The following QKI variants were observed in gnomAD, a reference collection of about 807,000 sequenced individuals.
QKI encodes the protein QKI, KH domain containing RNA binding.
Under a neutral mutation model 39.0 loss-of-function variants are expected in QKI, and 10 were observed. The ratio of observed to expected loss-of-function variants is 0.26; its 90% CI spans 0.16 to 0.43. The LOEUF (loss-of-function observed/expected upper bound fraction) is 0.43, where lower values mean the gene tolerates loss of function less well. Ranked by LOEUF, QKI falls within the 20% of genes least tolerant of loss-of-function variation. The pLI is 1.00. For missense variants in QKI, 218 were observed against 428.0 expected, an observed-to-expected ratio of 0.51 and a Z score of 4.33; for synonymous variants, 204 against 155.4, an observed-to-expected ratio of 1.31 and a Z score of -2.33.
chr6:163,546,142 A>C (rs1054618999), intron 4 of QKI, among the ~76,000 whole-genome samples: 1 of 150,948 alleles, frequency 6.6e-6, no homozygotes, highest in Non-Finnish European at 1.5e-5. Context: ...TAAATGTATG[A>C]TATTCTACAC....
chr6:163,558,480 A>G (rs1456520521), intron 4 of QKI, among the ~76,000 whole-genome samples: 1 of 149,598 alleles, frequency 6.7e-6, no homozygotes, highest in African/African-American at 2.5e-5. Context: ...ACTCACTGCA[A>G]CCTCCGCCTT....
In QKI at chr6:163,573,323, C is replaced by G. The variant is rs928226999; in HGVS notation, c.*2613C>G. On this transcript the variant is annotated 3_prime_UTR_variant, in exon 8 of 8. Coordinates refer to ENST00000361752, the MANE Select transcript of QKI (RefSeq NM_006775.3). ...CTGACAGTATTATGTAATTTTTTAG[C>G]GTGGGTAGATGGGAGTGTCGCTTGT... The G allele has an allele frequency of 6.6e-6, 1 of 151,936 alleles. No individual in the cohort carries two copies. The highest frequency in any genetic ancestry group is 1.5e-5 in the Non-Finnish European group (1 of 67,982). 9.4% of individuals were successfully genotyped at this position (151,936 alleles called of 1,614,324 possible). A position where few individuals can be genotyped will look rare whatever the true frequency, so the allele number is the denominator to read the frequency against.
chr6:163,420,034 A>G (rs954147566), intron 1 of QKI, among the ~76,000 whole-genome samples: 2 of 152,124 alleles, frequency 1.3e-5, no homozygotes, highest in Admixed American at 6.5e-5. Flanking sequence ...GATTTCTGTG[A>G]TGAAAGAAGT....
chr6:163,425,559 G>A lies in QKI; in HGVS notation c.142+10224G>A, dbSNP rs548220220. Among the ~76,000 whole-genome samples, 7 of 152,252 alleles carry A rather than the reference G, an allele frequency of 4.6e-5. No homozygotes were observed. In the East Asian group the frequency reaches 9.7e-4, roughly 21 times the overall value. The stretch of plus-strand genomic sequence containing the variant: ...TGTGAAGAGTCAAACTATTATATAC[G>A]TGGCTAACCCTTTAGGAAAATTTTT... On this transcript the variant is annotated intron_variant, in intron 1 of 7. Coordinates refer to ENST00000361752, the MANE Select transcript of QKI (RefSeq NM_006775.3).
At position 163,564,323 on chromosome 6, in the gene QKI, T is replaced by C. The variant is rs1783218736; in HGVS notation, c.934+604T>C. 1.8e-5 allele frequency: 18 copies of C among 1,015,280 alleles called. No individual in the cohort carries two copies. The South Asian group carries it at 5.3e-4, about 30-fold the overall frequency. 62.9% of individuals were successfully genotyped at this position (1,015,280 alleles called of 1,614,324 possible). A position where few individuals can be genotyped will look rare whatever the true frequency, so the allele number is the denominator to read the frequency against. On this transcript the variant is annotated intron_variant, in intron 6 of 7. Coordinates refer to ENST00000361752, the MANE Select transcript of QKI (RefSeq NM_006775.3). ...AGTGTACTTACACAGACATAGATGA[T>C]ATCGTTTACTACACACCTAGGCTGT...
At chr6:163,522,555 A>G (rs760160767) in intron 3 of QKI, among the ~76,000 whole-genome samples, 9 of 151,904 alleles carry the variant, frequency 5.9e-5, no homozygotes, top group Non-Finnish European at 7.4e-5. Flanking sequence ...TTTTGTCTCT[A>G]TTCTCCAGTG....
rs536459542 is a variant in QKI at position 163,511,776 on chromosome 6, T to C, written c.403-23206T>C. The stretch of plus-strand genomic sequence containing the variant: ...TTTATCAAACTTCAAGAAAGAAATA[T>C]TGTGAATCTTATGTAAAGTCTTCCA... On this transcript the variant is annotated intron_variant, in intron 3 of 7. Coordinates refer to ENST00000361752, the MANE Select transcript of QKI (RefSeq NM_006775.3). 2.6e-5 allele frequency among the ~76,000 whole-genome samples: 4 copies of C among 151,934 alleles called. No individual in the cohort carries two copies. The East Asian group carries it at 5.8e-4, about 22-fold the overall frequency.
intron 3 of QKI, among the ~76,000 whole-genome samples, chr6:163,519,807 T>C (rs1780039245): frequency 2.0e-5 from 3 of 152,150 alleles, no homozygotes; most frequent in Admixed American, 2.0e-4. Context: ...AGTTATTTTA[T>C]ATAGTTGTTA....
chr6:163,445,615 C>CTTT (rs771151149), intron 1 of QKI, among the ~76,000 whole-genome samples: 3 of 135,334 alleles, frequency 2.2e-5, no homozygotes, highest in Admixed American at 7.5e-5. Flanking sequence ...GAGTATATGT[C>CTTT]TTTTTTTTTT....
intron 3 of QKI, among the ~76,000 whole-genome samples, chr6:163,499,085 C>T (rs721190): frequency 0.79 from 119,609 of 152,052 alleles, 47,223 homozygotes; most frequent in East Asian, 1. Flanking sequence ...GTATGCAGTT[C>T]TACACTGCGG....
chr6:163,480,320 G>T (rs1792981779), intron 3 of QKI, among the ~76,000 whole-genome samples: 1 of 151,618 alleles, frequency 6.6e-6, no homozygotes, highest in African/African-American at 2.4e-5. Flanking sequence ...GACTTGAAGG[G>T]GCTATCTAGG....
At chr6:163,525,237 A>G (rs1200074402) in intron 3 of QKI, among the ~76,000 whole-genome samples, 6 of 149,568 alleles carry the variant, frequency 4.0e-5, no homozygotes, top group Non-Finnish European at 7.4e-5. Flanking sequence ...GAGACAGGCT[A>G]TATCTGGATT....
Position 163,572,396 on chromosome 6 carries a change from ATATCATACC to A in QKI, c.*1687_*1695del, listed in dbSNP as rs1365587498. The stretch of plus-strand genomic sequence containing the variant: ...CACCCAAATTTAATCACATGTCTTT[ATATCATACC>A]AGATAACTGGTGTAGTGTATCCTTT... On this transcript the variant is annotated 3_prime_UTR_variant, in exon 8 of 8. Coordinates refer to ENST00000361752, the MANE Select transcript of QKI (RefSeq NM_006775.3). 1 of 152,226 alleles carries A rather than the reference ATATCATACC, an allele frequency of 6.6e-6. No individual in the cohort carries two copies. The highest frequency in any genetic ancestry group is 2.4e-5 in the African/African-American group (1 of 41,458). The allele number at this position is 152,226 out of a possible 1,614,324, so 9.4% of individuals were successfully genotyped here.
chr6:163,516,165 T>C (rs765534089), intron 3 of QKI, among the ~76,000 whole-genome samples: 1 of 152,176 alleles, frequency 6.6e-6, no homozygotes, highest in Non-Finnish European at 1.5e-5. Flanking sequence ...TTTTAGAAAA[T>C]CTAAAGTACA....
chr6:163,428,597 GC>G (rs1313592198), intron 1 of QKI, among the ~76,000 whole-genome samples: 1 of 152,054 alleles, frequency 6.6e-6, no homozygotes, highest in Admixed American at 6.6e-5. Context: ...CATACTGTTA[GC>G]TTTTTTAGTA....
intron 6 of QKI, chr6:163,564,719 A>AT: frequency 6.2e-7 from 1 of 1,614,034 alleles, no homozygotes; most frequent in Non-Finnish European, 8.5e-7. Context: ...GACTTGCTGG[A>AT]TGAAGGACTA....
intron 4 of QKI, 136 bp from the exon 5 acceptor site, chr6:163,561,843 GTTC>G (rs1349534163): frequency 2.2e-5 from 12 of 543,770 alleles, no homozygotes; most frequent in African/African-American, 1.5e-4. Flanking sequence ...GCACCTTTTG[GTTC>G]TTGATCTTTT....
intron 1 of QKI, among the ~76,000 whole-genome samples, chr6:163,433,532 C>T (rs545867797): frequency 3.3e-5 from 5 of 152,016 alleles, no homozygotes; most frequent in South Asian, 2.1e-4. Flanking sequence ...TTTGGGAGAC[C>T]GAGGTGGGCA....
intron 1 of QKI, among the ~76,000 whole-genome samples, chr6:163,448,274 G>T (rs1790296559): frequency 2.7e-5 from 4 of 150,844 alleles, no homozygotes. Flanking sequence ...GGATTGTGAA[G>T]TACAGAGTAC....
Sources: gnomAD v4.1 joint callset for allele counts (sites outside exome capture counted in the v4.1 genomes callset) on GRCh38, gnomAD v4.1.1 for gene constraint, MANE v1.5 for transcripts, NCBI Gene and HGNC (gene_info 2026-07-23, HGNC 2026-07-21) for gene names.